The following ABCC9 variants were observed in gnomAD, a reference collection of about 807,000 sequenced individuals.
ABCC9 encodes the protein ATP binding cassette subfamily C member 9.
A neutral mutation model predicts 188.3 loss-of-function variants in ABCC9; 95 were observed. The ratio of observed to expected loss-of-function variants is 0.50; its 90% CI spans 0.43 to 0.60. The LOEUF is 0.60. Ranked by LOEUF, ABCC9 falls within the 20% of genes least tolerant of loss-of-function variation. ABCC9 has a pLI of 0.00. For missense variants in ABCC9, 1,102 were observed against 1,876.3 expected, an observed-to-expected ratio of 0.59 and a Z score of 7.62; for synonymous variants, 659 against 652.7, an observed-to-expected ratio of 1.01 and a Z score of -0.15.
At chr12:21,874,226 A>G (rs1946224065) in intron 17 of ABCC9, among the ~76,000 whole-genome samples, 1 of 152,210 alleles carries the variant, frequency 6.6e-6, no homozygotes, top group Non-Finnish European at 1.5e-5. Flanking sequence ...AATAAGAAGT[A>G]CAAATGGCCA....
Position 21,815,869 on chromosome 12 carries a change from C to T in ABCC9, c.3917G>A (p.Trp1306Ter). 5 of 1,612,870 alleles carry T rather than the reference C, an allele frequency of 3.1e-6. No individual in the cohort carries two copies. Among genetic ancestry groups the T allele is most frequent in the Non-Finnish European group, 4.2e-6 (5 of 1,179,516 alleles). ...TATCTTGATCTCCCCTTCTTGTGGC[C>T]AATGTTCTGGAACTTGAGAAGGATC... ...TMDPSQVPEH[W>*]PQEGEIKIHD... The change falls in exon 34 of 40, where the codon TGG becomes TAG. Residue 1306 changes from tryptophan (W) to a stop codon, truncating the protein, a stop_gained. Transcript: ENST00000261200. LOFTEE classifies it high-confidence loss of function.
intron 30 of ABCC9, among the ~76,000 whole-genome samples, chr12:21,833,940 C>T (rs1019850528): frequency 6.6e-6 from 1 of 152,162 alleles, no homozygotes; most frequent in African/African-American, 2.4e-5. Context: ...AAAGCTCCTC[C>T]TTTTAGTTAG....
chr12:21,836,912 G>T (rs939960077), intron 30 of ABCC9, among the ~76,000 whole-genome samples: 11 of 152,202 alleles, frequency 7.2e-5, no homozygotes, highest in African/African-American at 2.4e-4. Flanking sequence ...CATGGCAGGT[G>T]TATGTGGGGA....
At chr12:21,922,979 A>G (rs1328279737) in intron 5 of ABCC9, 2 of 151,482 alleles carry the variant, frequency 1.3e-5, no homozygotes, top group Non-Finnish European at 1.5e-5. Flanking sequence ...TTAAATTTAA[A>G]TAGTCATTTG....
chr12:21,818,053 T>C, intron 32 of ABCC9, 97 bp downstream of exon 32: 1 of 652,936 alleles, frequency 1.5e-6, no homozygotes, highest in Non-Finnish European at 2.7e-6. Context: ...AATTCCCCTC[T>C]CTGTGCTCAT....
chr12:21,873,006 T>C (rs1476024850), intron 17 of ABCC9, among the ~76,000 whole-genome samples: 1 of 151,894 alleles, frequency 6.6e-6, no homozygotes, highest in Non-Finnish European at 1.5e-5. Flanking sequence ...GAGATTAGTT[T>C]TAACTTTAAT....
intron 31 of ABCC9, among the ~76,000 whole-genome samples, chr12:21,819,419 CAT>C (rs987190670): frequency 9.2e-5 from 14 of 152,160 alleles, no homozygotes; most frequent in Non-Finnish European, 1.6e-4. Context: ...AATGACCTCA[CAT>C]GTGTACATTC....
chr12:21,879,745 G>T (rs1448921439), intron 16 of ABCC9, among the ~76,000 whole-genome samples: 2 of 151,916 alleles, frequency 1.3e-5, no homozygotes, highest in African/African-American at 4.8e-5. Context: ...AAAAGAAGCA[G>T]TTAGGAAATT....
At position 21,800,915 on chromosome 12, in the gene ABCC9, A is replaced by G; in HGVS notation, c.*129T>C. 1 of 1,062,588 alleles carries G rather than the reference A, an allele frequency of 9.4e-7. No individual in the cohort carries two copies. The highest frequency in any genetic ancestry group is 1.4e-5 in the South Asian group (1 of 69,452). The allele number at this position is 1,062,588 out of a possible 1,614,324, so 65.8% of individuals were successfully genotyped here. On this transcript the variant is annotated 3_prime_UTR_variant, in exon 40 of 40. Coordinates refer to ENST00000261200, the MANE Select transcript of ABCC9 (RefSeq NM_020297.4). ...AACTGTTTTAAAAACAGGAAAAATA[A>G]ATGTCCACTTTTTGTGCAAAAATCT...
Position 21,797,580 on chromosome 12 carries a change from T to C in ABCC9, c.*3464A>G, listed in dbSNP as rs936002567. 5 of 152,162 alleles carry C rather than the reference T, an allele frequency of 3.3e-5. No homozygotes were observed. Among genetic ancestry groups the C allele is most frequent in the African/African-American group, 1.2e-4 (5 of 41,442 alleles). 9.4% of individuals were successfully genotyped at this position (152,162 alleles called of 1,614,324 possible). On this transcript the variant is annotated 3_prime_UTR_variant, in exon 40 of 40. Transcript: ENST00000261200. Reference sequence around the variant, plus strand: ...TATAGGCACATGGCAGTAAAACTAATCAGTGAATCAATCAACCCTACTGTG... The same window carrying C: ...TATAGGCACATGGCAGTAAAACTAACCAGTGAATCAATCAACCCTACTGTG...
chr12:21,915,514 A>ATATATATATTTT, intron 7 of ABCC9, among the ~76,000 whole-genome samples, 154 bp downstream of exon 7: 4 of 3,520 alleles, frequency 1.1e-3, no homozygotes, highest in Non-Finnish European at 1.9e-3. Context: ...ATATATATAT[A>ATATATATATTTT]TTTTTTTTTT....
intron 16 of ABCC9, among the ~76,000 whole-genome samples, chr12:21,880,553 C>T (rs2137638333): frequency 6.6e-6 from 1 of 152,136 alleles, no homozygotes; most frequent in East Asian, 1.9e-4. Context: ...TGGTAATTCA[C>T]AAAAGAGAAA....
chr12:21,856,055 T>C (rs1945211174), intron 22 of ABCC9, among the ~76,000 whole-genome samples: 1 of 152,006 alleles, frequency 6.6e-6, no homozygotes, highest in African/African-American at 2.4e-5. Flanking sequence ...CCTAGGAGAG[T>C]TATTATGAGA....
Position 21,915,225 on chromosome 12 carries a change from A to ATGTGTGTGTGTGTG in ABCC9, c.816+429_816+442dup, listed in dbSNP as rs377233626. 3.3e-3 allele frequency among the ~76,000 whole-genome samples: 422 copies of ATGTGTGTGTGTGTG among 129,140 alleles called. 2 individuals carry two copies. Among genetic ancestry groups the ATGTGTGTGTGTGTG allele is most frequent in the Middle Eastern group, 0.023 (5 of 220 alleles). 84.7% of individuals were successfully genotyped at this position (129,140 alleles called of 152,430 possible). On this transcript the variant is annotated intron_variant, in intron 7 of 39. Transcript: ENST00000261200. ...CTAAGCTTTGTGTCTTTATATATAT[A>ATGTGTGTGTGTGTG]TGTGTGTGTGTGTGTGTGTGTGTGT...
chr12:21,829,206 T>C, intron 30 of ABCC9, 146 bp from the exon 31 acceptor site: 1 of 592,584 alleles, frequency 1.7e-6, no homozygotes, highest in East Asian at 3.2e-5. Context: ...TTTTTTTTTT[T>C]TTTTTTTTTT....
chr12:21,930,501 G>C (rs1332642821), intron 4 of ABCC9, among the ~76,000 whole-genome samples: 1 of 152,120 alleles, frequency 6.6e-6, no homozygotes. Flanking sequence ...GTTATACACA[G>C]ATAATCTTAG....
At chr12:21,825,794 T>A (rs1401637619) in intron 31 of ABCC9, among the ~76,000 whole-genome samples, 6 of 151,268 alleles carry the variant, frequency 4.0e-5, no homozygotes, top group South Asian at 2.1e-4. Flanking sequence ...AAGTATAATT[T>A]AAAAAAAAAG....
chr12:21,891,746 C>T (rs1308806567), intron 14 of ABCC9, among the ~76,000 whole-genome samples: 3 of 152,114 alleles, frequency 2.0e-5, no homozygotes, highest in Non-Finnish European at 4.4e-5. Flanking sequence ...TTTAAGATTG[C>T]AGTGAGGGAT....
In ABCC9 at chr12:21,828,959, G is replaced by A. The variant is rs137907278; in HGVS notation, c.3668C>T (p.Thr1223Met). ...TTCGAAATCATGAAATGAACGTACC[G>A]TCCTGACCTCCAGCCATCTGTTGGC... ...SAANRWLEVR[T>M]DYLGACIVLT... The change falls in exon 31 of 40, where the codon ACG becomes ATG. Residue 1223 changes from threonine (T) to methionine (M), a missense_variant and splice_region_variant. Around this residue, in one of 12 missense-constraint regions of ABCC9, gnomAD observed 143 missense variants for 225.6 expected, o/e 0.63. Coordinates refer to ENST00000261200, the MANE Select transcript of ABCC9 (RefSeq NM_020297.4). 2.2e-5 allele frequency: 36 copies of A among 1,612,436 alleles called. No individual in the cohort carries two copies. Among genetic ancestry groups the A allele is most frequent in the South Asian group, 3.3e-5 (3 of 91,058 alleles).
Sources: gnomAD v4.1 joint callset for allele counts (sites outside exome capture counted in the v4.1 genomes callset) on GRCh38, gnomAD v4.1.1 for gene constraint, gnomAD v4.1.1 regional missense constraint, MANE v1.5 for transcripts, NCBI Gene and HGNC (gene_info 2026-07-23, HGNC 2026-07-21) for gene names.